Variants in SYNPR observed in about 807,000 individuals in gnomAD.
The protein encoded by SYNPR is synaptoporin.
Under a neutral mutation model 32.9 loss-of-function variants are expected in SYNPR, and 23 were observed. That is an observed-to-expected ratio of 0.70 (90% CI 0.50 to 0.99). The LOEUF (loss-of-function observed/expected upper bound fraction) is 0.99, where lower values mean the gene tolerates loss of function less well. Ranked by LOEUF, SYNPR falls within the 50% of genes least tolerant of loss-of-function variation. SYNPR has a pLI of 0.00. For missense variants in SYNPR, 318 were observed against 349.3 expected, an observed-to-expected ratio of 0.91 and a Z score of 0.71; for synonymous variants, 146 against 135.9, an observed-to-expected ratio of 1.07 and a Z score of -0.52.
At chr3:63,247,900 A>C (rs1383483350) in intron 1 of SYNPR, among the ~76,000 whole-genome samples, 1 of 152,160 alleles carries the variant, frequency 6.6e-6, no homozygotes, top group African/African-American at 2.4e-5. Flanking sequence ...AATGTGGCCA[A>C]AACATGGGGC....
intron 2 of SYNPR, among the ~76,000 whole-genome samples, chr3:63,477,262 A>T (rs1700946235): frequency 6.6e-6 from 1 of 152,144 alleles, no homozygotes. Context: ...TATTCCAATT[A>T]CGGGACCAGG....
intron 3 of SYNPR, among the ~76,000 whole-genome samples, chr3:63,272,977 T>G (rs2086548460): frequency 6.6e-6 from 1 of 152,136 alleles, no homozygotes; most frequent in Middle Eastern, 3.2e-3. Context: ...GGGAGTGATC[T>G]CAGGAGAATG....
intron 3 of SYNPR, among the ~76,000 whole-genome samples, chr3:63,515,967 G>A (rs1474169894): frequency 6.6e-6 from 1 of 151,718 alleles, no homozygotes; most frequent in Non-Finnish European, 1.5e-5. Flanking sequence ...TAGATGAAGG[G>A]GACTGGTTAT....
intron 3 of SYNPR, among the ~76,000 whole-genome samples, chr3:63,526,430 C>T (rs1253703222): frequency 6.6e-6 from 1 of 152,128 alleles, no homozygotes; most frequent in Non-Finnish European, 1.5e-5. Context: ...GGATCATTTC[C>T]CTCTTATTCA....
intron 2 of SYNPR, among the ~76,000 whole-genome samples, chr3:63,418,333 G>T (rs2088567162): frequency 6.6e-6 from 1 of 152,102 alleles, no homozygotes; most frequent in African/African-American, 2.4e-5. Context: ...ATCATTATCA[G>T]CAATTTGGTC....
chr3:63,595,632 A>G (rs1699919845), intron 4 of SYNPR, among the ~76,000 whole-genome samples: 1 of 145,706 alleles, frequency 6.9e-6, no homozygotes, highest in African/African-American at 2.5e-5. Context: ...GTTGTAAAGT[A>G]AAAGAAATGG....
intron 2 of SYNPR, among the ~76,000 whole-genome samples, chr3:63,300,619 C>A (rs907302218): frequency 4.6e-5 from 7 of 152,082 alleles, no homozygotes; most frequent in African/African-American, 7.2e-5. Context: ...AACCACCTCA[C>A]CCCAAGCTTA....
At chr3:63,505,368 C>T (rs1701567930) in intron 3 of SYNPR, among the ~76,000 whole-genome samples, 1 of 152,154 alleles carries the variant, frequency 6.6e-6, no homozygotes, top group Non-Finnish European at 1.5e-5. Flanking sequence ...ATACCTGGCT[C>T]CAAAACACTA....
intron 2 of SYNPR, among the ~76,000 whole-genome samples, chr3:63,462,335 C>T (rs980798045): frequency 2.0e-5 from 3 of 152,098 alleles, no homozygotes; most frequent in Non-Finnish European, 4.4e-5. Flanking sequence ...TCATTTCTTG[C>T]TATATACATA....
chr3:63,211,614 A>C, the SYNPR span, among the ~76,000 whole-genome samples: 5 of 152,162 alleles, frequency 3.3e-5, no homozygotes, highest in African/African-American at 1.2e-4. Context: ...AATTTTAAGG[A>C]AGGAGAAAAA....
At position 63,249,161 on chromosome 3, in the gene SYNPR, C is replaced by T. The variant is rs531750177; in HGVS notation, n.67-3338C>T. Among the ~76,000 whole-genome samples the T allele has an allele frequency of 2.5e-4, 38 of 152,074 alleles. 1 individual carries two copies. The highest frequency in any genetic ancestry group is 1.4e-3 in the Admixed American group (22 of 15,256). ...AGTAAGGAGTTCAGGGAATGTAAGA[C>T]GCAAAAGGCCAGAATATCTGTGAGA... On this transcript the variant is annotated intron_variant and non_coding_transcript_variant, in intron 1 of 4. Transcript: ENST00000478456.
rs1053134757 is a variant in SYNPR, at chr3:63,610,458, A to G, written c.600+1142A>G. The G allele has an allele frequency of 1.9e-5, 13 of 693,882 alleles. No individual in the cohort carries two copies. In the African/African-American group the frequency reaches 2.3e-4, roughly 12 times the overall value. The allele number at this position is 693,882 out of a possible 1,614,324, so 43.0% of individuals were successfully genotyped here. Reference sequence around the variant, plus strand: ...AATAATTATCTTTGCTTCAAGATTAACCTGTGTTTCTACAGCTTTCTGAAA... The same window carrying G: ...AATAATTATCTTTGCTTCAAGATTAGCCTGTGTTTCTACAGCTTTCTGAAA... On this transcript the variant is annotated intron_variant, in intron 5 of 5. Transcript: ENST00000478300.
intron 1 of SYNPR, among the ~76,000 whole-genome samples, chr3:63,237,045 G>C (rs913471627): frequency 5.9e-5 from 9 of 151,988 alleles, no homozygotes; most frequent in Non-Finnish European, 1.0e-4. Context: ...TCCCAACTTG[G>C]TAACAGTGTT....
intron 2 of SYNPR, among the ~76,000 whole-genome samples, chr3:63,320,943 A>C (rs1166439504): frequency 2.0e-5 from 3 of 151,998 alleles, no homozygotes. Flanking sequence ...TCTGCCTTTG[A>C]TTATGTCAAT....
chr3:63,259,551 T>C (rs944303556), intron 2 of SYNPR, among the ~76,000 whole-genome samples: 3 of 152,108 alleles, frequency 2.0e-5, no homozygotes, highest in Admixed American at 6.5e-5. Flanking sequence ...TCTCAATAAA[T>C]TAGGTATTGA....
intron 3 of SYNPR, among the ~76,000 whole-genome samples, chr3:63,520,575 A>G (rs1040325207): frequency 6.6e-6 from 1 of 151,936 alleles, no homozygotes; most frequent in Non-Finnish European, 1.5e-5. Flanking sequence ...GAGGAGGTTG[A>G]GGCAGAAGAA....
chr3:63,447,622 A>C (rs1342641041), intron 2 of SYNPR, among the ~76,000 whole-genome samples: 2 of 148,592 alleles, frequency 1.3e-5, no homozygotes, highest in African/African-American at 5.1e-5. Context: ...ATCTTCTAGA[A>C]GAGGCTCTTG....
At chr3:63,304,374 G>GTGTA (rs2086887650) in intron 2 of SYNPR, among the ~76,000 whole-genome samples, 1 of 151,820 alleles carries the variant, frequency 6.6e-6, no homozygotes, top group African/African-American at 2.4e-5. Flanking sequence ...GTGTGTGTGT[G>GTGTA]TGTGTGTGTA....
At chr3:63,600,323 T>C (rs1700021329) in intron 4 of SYNPR, among the ~76,000 whole-genome samples, 1 of 152,216 alleles carries the variant, frequency 6.6e-6, no homozygotes, top group Admixed American at 6.5e-5. Context: ...CATCATGCTC[T>C]GTGCCAGGAG....
Sources: gnomAD v4.1 joint callset for allele counts (sites outside exome capture counted in the v4.1 genomes callset) on GRCh38, gnomAD v4.1.1 for gene constraint, MANE v1.5 for transcripts, NCBI Gene and HGNC (gene_info 2026-07-23, HGNC 2026-07-21) for gene names.